The following CADM2 variants were observed in gnomAD, a reference collection of about 807,000 sequenced individuals.
CADM2 encodes cell adhesion molecule 2.
In CADM2, 12 loss-of-function variants were observed where a neutral mutation model predicts 49.8. The ratio of observed to expected loss-of-function variants is 0.24; its 90% confidence interval spans 0.15 to 0.39. The LOEUF is 0.39. CADM2 is among the 10% of genes least tolerant of loss of function. The pLI, the probability that CADM2 is intolerant of heterozygous loss-of-function variation, is 1.00. For synonymous variants in CADM2, 214 were observed against 175.4 expected (o/e 1.22, Z -1.74); for missense variants, 378 against 492.3 (o/e 0.77, Z 2.20).
intron 1 of CADM2, among the ~76,000 whole-genome samples, chr3:85,010,226 GTTCAA>G (rs2033926345): frequency 6.6e-6 from 1 of 152,122 alleles, no homozygotes; most frequent in African/African-American, 2.4e-5. Flanking sequence ...CCACATCAGA[GTTCAA>G]TGATAGTCAC....
chr3:85,259,649 T>C (rs2042968926), intron 1 of CADM2, among the ~76,000 whole-genome samples: 1 of 152,152 alleles, frequency 6.6e-6, no homozygotes, highest in African/African-American at 2.4e-5. Context: ...GAGCAATTTA[T>C]ACTAGCAAGA....
chr3:85,518,966 C>T (rs528477515), intron 1 of CADM2, among the ~76,000 whole-genome samples: 1 of 152,128 alleles, frequency 6.6e-6, no homozygotes, highest in South Asian at 2.1e-4. Context: ...TTCTGCCTAC[C>T]ATATTCCTGA....
chr3:85,189,159 A>G (rs889224100), intron 1 of CADM2, among the ~76,000 whole-genome samples: 10 of 152,020 alleles, frequency 6.6e-5, no homozygotes, highest in African/African-American at 2.4e-4. Context: ...TTAATATTAT[A>G]TATATTCAAA....
intron 1 of CADM2, among the ~76,000 whole-genome samples, chr3:85,669,043 A>G (rs1365250249): frequency 2.6e-5 from 4 of 152,120 alleles, no homozygotes; most frequent in African/African-American, 4.8e-5. Context: ...TGTGGCTAAC[A>G]TATTCTCTGT....
chr3:85,455,766 A>G (rs2037962118), intron 1 of CADM2, among the ~76,000 whole-genome samples: 1 of 152,196 alleles, frequency 6.6e-6, no homozygotes. Context: ...AAAAGCCAGC[A>G]GAAACGCAAA....
At chr3:85,471,802 A>G (rs1366066952) in intron 1 of CADM2, among the ~76,000 whole-genome samples, 1 of 147,562 alleles carries the variant, frequency 6.8e-6, no homozygotes, top group Non-Finnish European at 1.5e-5. Flanking sequence ...GTGGAAAAAT[A>G]CAAAAGTCAA....
intron 1 of CADM2, among the ~76,000 whole-genome samples, chr3:85,305,952 G>C (rs1430456744): frequency 6.6e-6 from 1 of 151,472 alleles, no homozygotes; most frequent in African/African-American, 2.4e-5. Context: ...ATACCACTCA[G>C]CATCACAGAA....
intron 1 of CADM2, among the ~76,000 whole-genome samples, chr3:85,512,107 G>T (rs963003059): frequency 6.6e-6 from 1 of 152,000 alleles, no homozygotes. Context: ...CCATCACCCA[G>T]GTAGTGAGCA....
chr3:85,814,311 A>G (rs888324115), intron 3 of CADM2, among the ~76,000 whole-genome samples: 1 of 152,072 alleles, frequency 6.6e-6, no homozygotes, highest in African/African-American at 2.4e-5. Context: ...GCAATTGTGA[A>G]TGGGAGTTCA....
rs2061270952 is a variant in CADM2, at chr3:85,530,321, C to CTTTTT, written c.62-196201_62-196200insTTTTT. On this transcript the variant is annotated intron_variant, in intron 1 of 9. Coordinates refer to ENST00000383699, the MANE Select transcript of CADM2 (RefSeq NM_001167675.2). Reference sequence around the variant, plus strand: ...GTGAGTCAGTTAGACTTCTTTTCTCCGTTTTTTTTTTTTTTTTTTTTTTTT... The same window carrying CTTTTT: ...GTGAGTCAGTTAGACTTCTTTTCTCCTTTTTGTTTTTTTTTTTTTTTTTTTTTTTT... 1.3e-4 allele frequency among the ~76,000 whole-genome samples: 15 copies of CTTTTT among 119,052 alleles called. 1 individual carries two copies. Among genetic ancestry groups the CTTTTT allele is most frequent in the African/African-American group, 3.9e-4 (10 of 25,800 alleles). The allele number at this position is 119,052 out of a possible 152,430, so 78.1% of individuals were successfully genotyped here.
At chr3:85,300,726 A>G (rs1375793446) in intron 1 of CADM2, among the ~76,000 whole-genome samples, 2 of 152,116 alleles carry the variant, frequency 1.3e-5, no homozygotes, top group Non-Finnish European at 2.9e-5. Context: ...ATAAAACAGA[A>G]GCATATGTGC....
rs144107033 is a variant in CADM2 at position 85,867,177 on chromosome 3, T to C, written c.239-16114T>C. On this transcript the variant is annotated intron_variant, in intron 3 of 9. Coordinates refer to ENST00000383699, the MANE Select transcript of CADM2 (RefSeq NM_001167675.2). Reference sequence around the variant, plus strand: ...ATGTATGTGTAAAACGTAACAACTGTATGTCTAAGACAGTGTCTATGTCTA... The same window carrying C: ...ATGTATGTGTAAAACGTAACAACTGCATGTCTAAGACAGTGTCTATGTCTA... Among the ~76,000 whole-genome samples, 108 of 152,200 alleles carry C rather than the reference T, an allele frequency of 7.1e-4. No individual in the cohort carries two copies. The East Asian group carries it at 0.015, about 22-fold the overall frequency.
chr3:85,730,260 G>A (rs2067871735), intron 2 of CADM2, among the ~76,000 whole-genome samples: 1 of 151,906 alleles, frequency 6.6e-6, no homozygotes, highest in South Asian at 2.1e-4. Context: ...TGGCCAACAT[G>A]GTGAAACCCC....
intron 2 of CADM2, among the ~76,000 whole-genome samples, chr3:85,742,281 A>G (rs141176674): frequency 2.6e-5 from 4 of 152,268 alleles, no homozygotes; most frequent in African/African-American, 9.6e-5. Context: ...CAGTGGGTGA[A>G]TTCACCTGAT....
chr3:85,081,118 A>G (rs1400284396), intron 1 of CADM2, among the ~76,000 whole-genome samples: 1 of 152,156 alleles, frequency 6.6e-6, no homozygotes, highest in East Asian at 1.9e-4. Flanking sequence ...AAAAATTACA[A>G]TTCAATATAT....
At chr3:85,202,490 C>G (rs968611503) in intron 1 of CADM2, among the ~76,000 whole-genome samples, 3 of 152,070 alleles carry the variant, frequency 2.0e-5, no homozygotes, top group African/African-American at 7.2e-5. Context: ...ATATTTTTTT[C>G]TCCAAGCAGT....
intron 1 of CADM2, among the ~76,000 whole-genome samples, chr3:85,141,736 C>T (rs776657662): frequency 9.2e-5 from 14 of 152,028 alleles, no homozygotes; most frequent in African/African-American, 2.7e-4. Flanking sequence ...CACAATTATC[C>T]GGAACTCTCA....
At chr3:85,560,830 A>C (rs75403502) in intron 1 of CADM2, among the ~76,000 whole-genome samples, 2 of 152,314 alleles carry the variant, frequency 1.3e-5, no homozygotes, top group South Asian at 4.1e-4. Context: ...CAGGAAAAAA[A>C]GTAGAACAGT....
At chr3:85,811,547 GA>G (rs2072878118) in intron 3 of CADM2, among the ~76,000 whole-genome samples, 1 of 152,168 alleles carries the variant, frequency 6.6e-6, no homozygotes, top group Admixed American at 6.5e-5. Flanking sequence ...CAGCTTGAAA[GA>G]AAACTTGTTC....
Sources: gnomAD v4.1 joint callset for allele counts (sites outside exome capture counted in the v4.1 genomes callset) on GRCh38, gnomAD v4.1.1 for gene constraint, MANE v1.5 for transcripts, NCBI Gene and HGNC (gene_info 2026-07-23, HGNC 2026-07-21) for gene names.